Variants in PLCE1 observed in about 807,000 individuals in gnomAD.
The protein encoded by PLCE1 is phospholipase C epsilon 1, also known as 1-phosphatidylinositol 4,5-bisphosphate phosphodiesterase epsilon-1.
PLCE1 carries 119 observed loss-of-function variants against 242.8 expected under a neutral mutation model. The observed-to-expected ratio is 0.49, with a 90% CI of 0.42 to 0.57. The LOEUF is 0.57. Ranked by LOEUF, PLCE1 falls within the 20% of genes least tolerant of loss-of-function variation. The probability of loss-of-function intolerance (pLI) is 0.00; values close to 1 mark genes in which losing one functional copy is unlikely to be tolerated. For synonymous variants in PLCE1, 945 were observed against 1,017.4 expected (o/e 0.93, Z 1.35); for missense variants, 2,441 against 2,788.8 (o/e 0.88, Z 2.81).
At chr10:94,320,681 CTTACT>C (rs1364496295) in intron 29 of PLCE1, among the ~76,000 whole-genome samples, 1 of 152,234 alleles carries the variant, frequency 6.6e-6, no homozygotes, top group Non-Finnish European at 1.5e-5. Context: ...CTACTGTTTA[CTTACT>C]TTACCTCTCC....
At chr10:94,068,835 C>T (rs766335731) in intron 2 of PLCE1, among the ~76,000 whole-genome samples, 11 of 152,200 alleles carry the variant, frequency 7.2e-5, no homozygotes, top group Non-Finnish European at 1.3e-4. Context: ...TGCCATAAAG[C>T]TTTATGGCAC....
At chr10:94,265,126 C>T (rs547860009) in intron 14 of PLCE1, among the ~76,000 whole-genome samples, 1 of 152,332 alleles carries the variant, frequency 6.6e-6, no homozygotes, top group South Asian at 2.1e-4. Context: ...CTCCATGCAA[C>T]AAATGAGTCT....
At chr10:94,069,456 A>G (rs935839046) in intron 2 of PLCE1, among the ~76,000 whole-genome samples, 4 of 152,016 alleles carry the variant, frequency 2.6e-5, no homozygotes, top group African/African-American at 9.7e-5. Flanking sequence ...ATGCACACAC[A>G]CACAAAAATA....
At chr10:94,067,887 G>A (rs1233180420) in intron 2 of PLCE1, among the ~76,000 whole-genome samples, 5 of 152,216 alleles carry the variant, frequency 3.3e-5, no homozygotes, top group South Asian at 2.1e-4. Context: ...CTTGGAGCAG[G>A]TGGAGAAGGG....
chr10:94,125,198 A>T (rs1404874624), intron 2 of PLCE1, among the ~76,000 whole-genome samples: 1 of 152,234 alleles, frequency 6.6e-6, no homozygotes, highest in African/African-American at 2.4e-5. Flanking sequence ...TGAAGCTGAC[A>T]TTCTAATGGA....
intron 4 of PLCE1, among the ~76,000 whole-genome samples, chr10:94,201,701 G>A (rs992544136): frequency 2.0e-5 from 3 of 152,050 alleles, no homozygotes; most frequent in Admixed American, 2.0e-4. Flanking sequence ...GGATGGTCTC[G>A]ATCTCCTGAC....
chr10:94,254,336 TTTG>T (rs1187696887), intron 10 of PLCE1, 29 bp downstream of exon 10: 4 of 1,506,046 alleles, frequency 2.7e-6, no homozygotes, highest in East Asian at 2.3e-5. Context: ...ATCTGAGATT[TTTG>T]TTTTTTAATT....
intron 3 of PLCE1, among the ~76,000 whole-genome samples, chr10:94,162,128 G>T (rs1251674583): frequency 6.6e-6 from 1 of 152,078 alleles, no homozygotes; most frequent in Non-Finnish European, 1.5e-5. Context: ...TTTTTTTGTT[G>T]TGTCTCTGCC....
Position 94,130,398 on chromosome 10 carries a change from G to A in PLCE1, c.1207-1776G>A, listed in dbSNP as rs560258881. 2.3e-4 allele frequency among the ~76,000 whole-genome samples: 35 copies of A among 152,288 alleles called. 1 individual carries two copies. The highest frequency in any genetic ancestry group is 3.4e-3 in the Middle Eastern group (1 of 294). ...TTTTATAGACTTGCTCAACAGTAAA[G>A]AGCATCATTTCTAGACACTAGGCTG... On this transcript the variant is annotated intron_variant, in intron 2 of 32. Coordinates refer to ENST00000371380, the MANE Select transcript of PLCE1 (RefSeq NM_016341.4).
chr10:94,190,150 C>T (rs1245322619), intron 4 of PLCE1, among the ~76,000 whole-genome samples: 1 of 152,076 alleles, frequency 6.6e-6, no homozygotes. Context: ...CGTGGTAGTG[C>T]CCCCCTGTGA....
In PLCE1 at chr10:94,316,805, T is replaced by C. The variant is rs191521528; in HGVS notation, c.6342+49T>C. 315 of 1,386,960 alleles carry C rather than the reference T, an allele frequency of 2.3e-4. No homozygotes were observed. The East Asian group carries it at 6.2e-3, about 27-fold the overall frequency. 85.9% of individuals were successfully genotyped at this position (1,386,960 alleles called of 1,614,324 possible). On this transcript the variant is annotated intron_variant, in intron 29 of 32. Coordinates refer to ENST00000371380, the MANE Select transcript of PLCE1 (RefSeq NM_016341.4). ...ACACAGTAACGACTCATTATGTGAT[T>C]AGCCATTTACCACTCACAACCTCCC...
intron 4 of PLCE1, among the ~76,000 whole-genome samples, chr10:94,188,366 T>A (rs2048548585): frequency 1.3e-5 from 2 of 152,196 alleles, no homozygotes. Context: ...AAATTTGAAG[T>A]ATACTTAAAT....
chr10:94,284,797 G>T (rs771604884), intron 21 of PLCE1, 51 bp from the exon 22 acceptor site: 1 of 939,172 alleles, frequency 1.1e-6, no homozygotes, highest in Non-Finnish European at 1.8e-6. Flanking sequence ...GAATCCAGAG[G>T]TGAGTAGCAT....
At chr10:94,098,086 T>C (rs922295577) in intron 2 of PLCE1, among the ~76,000 whole-genome samples, 3 of 152,210 alleles carry the variant, frequency 2.0e-5, no homozygotes, top group Non-Finnish European at 4.4e-5. Context: ...TGCTTAGCCC[T>C]CACTTGGATA....
At chr10:94,319,677 C>T (rs1311244426) in intron 29 of PLCE1, among the ~76,000 whole-genome samples, 1 of 152,042 alleles carries the variant, frequency 6.6e-6, no homozygotes, top group Non-Finnish European at 1.5e-5. Flanking sequence ...ATACAAACTA[C>T]CCTACTTGAC....
intron 1 of PLCE1, among the ~76,000 whole-genome samples, chr10:94,012,471 G>C (rs2061188757): frequency 6.6e-6 from 1 of 151,924 alleles, no homozygotes; most frequent in Admixed American, 6.5e-5. Context: ...ACTGGAGAGA[G>C]GTATCAAGGG....
chr10:94,261,661 A>G (rs1289228951), intron 13 of PLCE1, among the ~76,000 whole-genome samples: 1 of 152,174 alleles, frequency 6.6e-6, no homozygotes, highest in Non-Finnish European at 1.5e-5. Context: ...GCAGGTGGGA[A>G]TGTAAACTGG....
At chr10:94,155,678 G>A (rs992538806) in intron 3 of PLCE1, 1 of 151,726 alleles carries the variant, frequency 6.6e-6, no homozygotes, top group Non-Finnish European at 1.5e-5. Context: ...TGTCATCCTT[G>A]CGCAGGGGCC....
intron 4 of PLCE1, among the ~76,000 whole-genome samples, chr10:94,190,899 G>A (rs936596379): frequency 5.9e-5 from 9 of 152,296 alleles, no homozygotes; most frequent in South Asian, 2.1e-4. Context: ...AGGGATGAGC[G>A]AGCCATGAGA....
Sources: gnomAD v4.1 joint callset for allele counts (sites outside exome capture counted in the v4.1 genomes callset) on GRCh38, gnomAD v4.1.1 for gene constraint, MANE v1.5 for transcripts, NCBI Gene and HGNC (gene_info 2026-07-23, HGNC 2026-07-21) for gene names.